The following SLC22A2 variants were observed in gnomAD, a reference collection of about 807,000 sequenced individuals.
SLC22A2 encodes solute carrier family 22 member 2.
SLC22A2 carries 46 observed loss-of-function variants against 60.5 expected under a neutral mutation model. The observed-to-expected ratio is 0.76, with a 90% CI of 0.60 to 0.97. The LOEUF is 0.97. Ranked by LOEUF, SLC22A2 falls within the 50% of genes least tolerant of loss-of-function variation. The pLI, the probability that SLC22A2 is intolerant of heterozygous loss-of-function variation, is 0.00. For missense variants in SLC22A2, 701 were observed against 706.6 expected, an observed-to-expected ratio of 0.99 and a Z score of 0.09; for synonymous variants, 303 against 267.0, an observed-to-expected ratio of 1.13 and a Z score of -1.31.
At chr6:160,239,262 C>G (rs939869331) in intron 9 of SLC22A2, among the ~76,000 whole-genome samples, 1 of 152,188 alleles carries the variant, frequency 6.6e-6, no homozygotes, top group African/African-American at 2.4e-5. Context: ...ACCCTCAGTT[C>G]CAGGAACTGC....
intron 10 of SLC22A2, among the ~76,000 whole-genome samples, chr6:160,219,799 A>G (rs937098127): frequency 3.3e-5 from 5 of 152,224 alleles, no homozygotes; most frequent in African/African-American, 9.6e-5. Flanking sequence ...TATAAAAGTT[A>G]CGGTTACACT....
At chr6:160,249,567 T>C (rs1351916688) in intron 3 of SLC22A2, among the ~76,000 whole-genome samples, 183 bp from the exon 4 acceptor site, 1 of 152,252 alleles carries the variant, frequency 6.6e-6, no homozygotes, top group Non-Finnish European at 1.5e-5. Context: ...GCTGTTTTAC[T>C]AATTAATAAA....
chr6:160,232,388 C>T (rs2130089), intron 9 of SLC22A2, among the ~76,000 whole-genome samples: 1,946 of 151,978 alleles, frequency 0.013, 58 homozygotes, highest in East Asian at 0.089. Flanking sequence ...TTGAGGCTAC[C>T]GCTCTGCCCC....
At position 160,232,928 on chromosome 6, in the gene SLC22A2, A is replaced by G. The variant is rs528758532; in HGVS notation, c.1502-8124T>C. 3.7e-3 allele frequency among the ~76,000 whole-genome samples: 564 copies of G among 152,044 alleles called. 1 individual carries two copies. The highest frequency in any genetic ancestry group is 5.6e-3 in the Non-Finnish European group (384 of 68,028). On this transcript the variant is annotated intron_variant, in intron 9 of 10. Transcript: ENST00000366953. ...GATCTCCTTCCAGCCTCACAGGCCC[A>G]TTCTATTCTGTCATCATTTCGTAGT...
At chr6:160,219,467 C>G (rs1464170330) in intron 10 of SLC22A2, among the ~76,000 whole-genome samples, 3 of 145,580 alleles carry the variant, frequency 2.1e-5, no homozygotes, top group African/African-American at 7.6e-5. Flanking sequence ...TCGCACTGTC[C>G]CATTCATGAG....
chr6:160,242,247 A>G, intron 8 of SLC22A2, 47 bp downstream of exon 8: 1 of 1,018,604 alleles, frequency 9.8e-7, no homozygotes, highest in African/African-American at 1.6e-5. Flanking sequence ...CCAGCCAATG[A>G]ACAAATGTCT....
chr6:160,223,052 C>A (rs1284381830), intron 10 of SLC22A2, among the ~76,000 whole-genome samples: 1 of 152,158 alleles, frequency 6.6e-6, no homozygotes. Context: ...GATTTACCAG[C>A]ATTTTGCCCA....
chr6:160,247,063 G>C, intron 5 of SLC22A2, 121 bp downstream of exon 5: 1 of 627,954 alleles, frequency 1.6e-6, no homozygotes, highest in South Asian at 1.9e-5. Flanking sequence ...CTACAGGTAA[G>C]CCAAAATGCA....
At chr6:160,242,104 G>A (rs2114863223) in intron 8 of SLC22A2, among the ~76,000 whole-genome samples, 190 bp downstream of exon 8, 1 of 152,120 alleles carries the variant, frequency 6.6e-6, no homozygotes, top group Middle Eastern at 3.4e-3. Flanking sequence ...TCTCACCATG[G>A]CCTCTGTATT....
In SLC22A2 at chr6:160,217,429, T is replaced by C; in HGVS notation, c.*3A>G. 2.5e-6 allele frequency: 4 copies of C among 1,591,772 alleles called. No homozygotes were observed. The highest frequency in any genetic ancestry group is 3.4e-6 in the Non-Finnish European group (4 of 1,161,020). The stretch of plus-strand genomic sequence containing the variant: ...GTCATGACAGCAGCAACGGTCTCTC[T>C]TCTTAGTTCAATGGAATGTCTAGTT... On this transcript the variant is annotated 3_prime_UTR_variant, in exon 11 of 11. Coordinates refer to ENST00000366953, the MANE Select transcript of SLC22A2 (RefSeq NM_003058.4).
In SLC22A2 at chr6:160,250,568, C is replaced by T. The variant is rs773075656; in HGVS notation, c.653G>A (p.Trp218Ter). 3.1e-6 allele frequency: 5 copies of T among 1,614,054 alleles called. No individual in the cohort carries two copies. Among genetic ancestry groups the T allele is most frequent in the Non-Finnish European group, 4.2e-6 (5 of 1,179,962 alleles). Reference protein sequence around the residue: ...LIQGLVSKAGWLIGYILITEF... With the variant: ...LIQGLVSKAG ...CTTACTCAGGATGTAGCCTATTAAC[C>T]AGCCTGCTTTGCTGACCAGTCCTTG... The change falls in exon 3 of 11, where the codon TGG becomes TAG. Residue 218 changes from tryptophan to a stop codon, truncating the protein, a stop_gained. Coordinates refer to ENST00000366953, the MANE Select transcript of SLC22A2 (RefSeq NM_003058.4). LOFTEE classifies it high-confidence loss of function.
chr6:160,233,221 G>T (rs1782853466), intron 9 of SLC22A2, among the ~76,000 whole-genome samples: 1 of 151,944 alleles, frequency 6.6e-6, no homozygotes, highest in South Asian at 2.1e-4. Context: ...TTCACTGGAT[G>T]GGTAGAGGCC....
At chr6:160,229,953 C>T (rs1782791602) in intron 9 of SLC22A2, among the ~76,000 whole-genome samples, 1 of 151,802 alleles carries the variant, frequency 6.6e-6, no homozygotes, top group Admixed American at 6.6e-5. Flanking sequence ...TCTGAGGTCC[C>T]TGATATCCAG....
intron 2 of SLC22A2, among the ~76,000 whole-genome samples, chr6:160,256,161 C>T (rs371166517): frequency 2.2e-4 from 33 of 151,962 alleles, no homozygotes; most frequent in African/African-American, 6.8e-4. Flanking sequence ...TGCAATCCCA[C>T]GGGTATTAGG....
intron 10 of SLC22A2, among the ~76,000 whole-genome samples, chr6:160,221,395 T>C (rs1441501033): frequency 6.6e-6 from 1 of 152,236 alleles, no homozygotes; most frequent in Non-Finnish European, 1.5e-5. Flanking sequence ...TGATCTTCTA[T>C]CCAGACCACT....
chr6:160,237,768 G>A (rs538075601), intron 9 of SLC22A2, among the ~76,000 whole-genome samples: 46 of 152,322 alleles, frequency 3.0e-4, no homozygotes, highest in Non-Finnish European at 5.9e-4. Context: ...GGCATTCTAA[G>A]TCACAGGATG....
chr6:160,220,497 T>C (rs1782627828), intron 10 of SLC22A2, among the ~76,000 whole-genome samples: 1 of 152,220 alleles, frequency 6.6e-6, no homozygotes, highest in Admixed American at 6.5e-5. Flanking sequence ...CCTCTAATGA[T>C]CCACAAATGT....
At position 160,247,179 on chromosome 6, in the gene SLC22A2, C is replaced by T. The variant is rs375908022; in HGVS notation, c.957+5G>A. On this transcript the variant is annotated splice_donor_5th_base_variant and intron_variant, in intron 5 of 10. Coordinates refer to ENST00000366953, the MANE Select transcript of SLC22A2 (RefSeq NM_003058.4). The stretch of plus-strand genomic sequence containing the variant: ...CCTGATTTGATACTTAAGGCCCTGG[C>T]TCACCTGAAGGGAGGCGGGTAGAGA... 47 of 1,528,814 alleles carry T rather than the reference C, an allele frequency of 3.1e-5. No homozygotes were observed. The highest frequency in any genetic ancestry group is 1.6e-4 in the African/African-American group (12 of 73,130). The allele number at this position is 1,528,814 out of a possible 1,614,324, so 94.7% of individuals were successfully genotyped here. A position where few individuals can be genotyped will look rare whatever the true frequency, so the allele number is the denominator to read the frequency against.
chr6:160,250,859 T>C (rs1783174567), intron 2 of SLC22A2, among the ~76,000 whole-genome samples, 157 bp from the exon 3 acceptor site: 1 of 152,244 alleles, frequency 6.6e-6, no homozygotes, highest in African/African-American at 2.4e-5. Context: ...AAAGGGAATC[T>C]GTGACTCCAG....
Sources: gnomAD v4.1 joint callset for allele counts (sites outside exome capture counted in the v4.1 genomes callset) on GRCh38, gnomAD v4.1.1 for gene constraint, MANE v1.5 for transcripts, NCBI Gene and HGNC (gene_info 2026-07-23, HGNC 2026-07-21) for gene names.